HLCS: variants seen among roughly 807,000 people sequenced by gnomAD.
HLCS encodes the protein biotin--protein ligase.
A neutral mutation model predicts 75.0 loss-of-function variants in HLCS; 53 were observed. That is an observed-to-expected ratio of 0.71 (90% CI 0.57 to 0.89). The LOEUF (loss-of-function observed/expected upper bound fraction) is 0.89, where lower values mean the gene tolerates loss of function less well. Ranked by LOEUF, HLCS falls within the 40% of genes least tolerant of loss-of-function variation. The probability of loss-of-function intolerance (pLI) is 0.00; values close to 1 mark genes in which losing one functional copy is unlikely to be tolerated. For missense variants in HLCS, 966 were observed against 1,074.0 expected (o/e 0.90, Z 1.41); for synonymous variants, 431 against 428.6 (o/e 1.01, Z -0.07).
intron 6 of HLCS, among the ~76,000 whole-genome samples, chr21:36,827,551 G>A (rs1338006253): frequency 1.4e-5 from 2 of 144,358 alleles, no homozygotes; most frequent in Admixed American, 1.4e-4. Flanking sequence ...TCCAGCCTGG[G>A]CAAGAAGGTG....
At chr21:36,849,634 C>T (rs1476249722) in intron 6 of HLCS, among the ~76,000 whole-genome samples, 3 of 152,164 alleles carry the variant, frequency 2.0e-5, no homozygotes, top group Non-Finnish European at 2.9e-5. Flanking sequence ...AGCCAAGTAC[C>T]GGGCAGTATC....
chr21:36,881,032 G>A (rs1225457364), intron 6 of HLCS, among the ~76,000 whole-genome samples: 11 of 152,152 alleles, frequency 7.2e-5, no homozygotes, highest in African/African-American at 2.4e-4. Context: ...GTGCAGTGGC[G>A]TGATCTCGGC....
chr21:36,934,168 A>G (rs2146512565), intron 4 of HLCS, among the ~76,000 whole-genome samples: 1 of 152,320 alleles, frequency 6.6e-6, no homozygotes, highest in South Asian at 2.1e-4. Context: ...CCCTGTTACC[A>G]TAATGACAGG....
chr21:36,852,927 C>T (rs1482774960), intron 6 of HLCS, among the ~76,000 whole-genome samples: 2 of 152,244 alleles, frequency 1.3e-5, no homozygotes, highest in East Asian at 1.9e-4. Context: ...TTATAAATTG[C>T]CTCCAGTAAT....
intron 6 of HLCS, among the ~76,000 whole-genome samples, chr21:36,881,126 T>C (rs1432363641): frequency 2.6e-5 from 4 of 152,022 alleles, no homozygotes; most frequent in East Asian, 1.9e-4. Context: ...TGCACCACCA[T>C]GCCCGACTAA....
At position 36,754,029 on chromosome 21, in the gene HLCS, T is replaced by C. The variant is rs2089459058; in HGVS notation, c.*217A>G. The C allele has an allele frequency of 3.3e-6, 2 of 608,018 alleles. No homozygotes were observed. The highest frequency in any genetic ancestry group is 5.7e-6 in the Non-Finnish European group (2 of 348,778). 37.7% of individuals were successfully genotyped at this position (608,018 alleles called of 1,614,324 possible). On this transcript the variant is annotated 3_prime_UTR_variant, in exon 11 of 11. Coordinates refer to ENST00000674895, the MANE Select transcript of HLCS (RefSeq NM_001352514.2). ...TTCCCACCTGTGGGAGGGCTTTCCC[T>C]AAACTAAATTTTCTACTTCTTAACC...
intron 6 of HLCS, among the ~76,000 whole-genome samples, chr21:36,810,877 C>T (rs564001197): frequency 2.0e-4 from 30 of 152,206 alleles, no homozygotes; most frequent in Non-Finnish European, 2.6e-4. Context: ...CCAAGAGGCC[C>T]TGTCAAAAGG....
At chr21:36,785,240 T>A (rs2060652107) in intron 6 of HLCS, among the ~76,000 whole-genome samples, 2 of 151,992 alleles carry the variant, frequency 1.3e-5, no homozygotes, top group Non-Finnish European at 2.9e-5. Flanking sequence ...ACGCCAGAGC[T>A]CGTTTGCCGG....
At chr21:36,871,948 C>A (rs527241522) in intron 6 of HLCS, among the ~76,000 whole-genome samples, 1 of 152,176 alleles carries the variant, frequency 6.6e-6, no homozygotes, top group African/African-American at 2.4e-5. Flanking sequence ...TACAACTGCA[C>A]ACCCACCAGA....
At chr21:36,758,774 A>G (rs957944775) in intron 9 of HLCS, among the ~76,000 whole-genome samples, 2 of 152,062 alleles carry the variant, frequency 1.3e-5, no homozygotes, top group African/African-American at 2.4e-5. Flanking sequence ...TGAGTTCAGG[A>G]GTTTGATACC....
At chr21:36,764,841 C>G (rs1212713887) in intron 8 of HLCS, among the ~76,000 whole-genome samples, 171 bp downstream of exon 8, 2 of 152,250 alleles carry the variant, frequency 1.3e-5, no homozygotes, top group Non-Finnish European at 2.9e-5. Flanking sequence ...CCTGAAGCAG[C>G]ATTAGCACCT....
chr21:36,888,446 ATATATATATATATATATATATATATAT>A lies in HLCS; in HGVS notation c.1892+8387_1892+8413del, dbSNP rs1348601880. 2.1e-4 allele frequency among the ~76,000 whole-genome samples: 15 copies of A among 70,422 alleles called. 1 individual carries two copies. Among genetic ancestry groups the A allele is most frequent in the East Asian group, 3.8e-4 (1 of 2,642 alleles). 46.2% of individuals were successfully genotyped at this position (70,422 alleles called of 152,430 possible). A position where few individuals can be genotyped will look rare whatever the true frequency, so the allele number is the denominator to read the frequency against. On this transcript the variant is annotated intron_variant, in intron 6 of 10. Coordinates refer to ENST00000674895, the MANE Select transcript of HLCS (RefSeq NM_001352514.2). ...CCCTTCCCATTTAAAAAAAAAAAAA[ATATATATATATATATATATATATATAT>A]ATATATATATATATATATATATATT...
intron 6 of HLCS, among the ~76,000 whole-genome samples, chr21:36,886,798 T>C (rs2064487465): frequency 6.6e-6 from 1 of 151,978 alleles, no homozygotes; most frequent in African/African-American, 2.4e-5. Context: ...CGTTGAGAGC[T>C]CTCTCACCCT....
chr21:36,816,291 G>C (rs1321266026), intron 6 of HLCS, among the ~76,000 whole-genome samples: 2 of 152,022 alleles, frequency 1.3e-5, no homozygotes, highest in Non-Finnish European at 2.9e-5. Context: ...AGCTCCTCAG[G>C]AGGCTGGGGT....
At chr21:36,775,215 G>A (rs187196540) in intron 6 of HLCS, among the ~76,000 whole-genome samples, 4 of 152,312 alleles carry the variant, frequency 2.6e-5, no homozygotes, top group African/African-American at 7.2e-5. Flanking sequence ...TCTTCCCCAC[G>A]TCCAGCATAA....
chr21:36,815,330 CAAT>C (rs79202724), intron 6 of HLCS, among the ~76,000 whole-genome samples: 43,141 of 151,884 alleles, frequency 0.28, 6,309 homozygotes, highest in Middle Eastern at 0.34. Flanking sequence ...CACCTGGCCT[CAAT>C]GAAGCTTTTC....
At chr21:36,987,632 G>A (rs1313166485) in intron 1 of HLCS, among the ~76,000 whole-genome samples, 90 of 152,004 alleles carry the variant, frequency 5.9e-4, no homozygotes, top group Admixed American at 5.9e-3. Context: ...GAAAAGTTGT[G>A]TTATCCACCA....
chr21:36,853,668 T>G (rs542322694), intron 6 of HLCS, among the ~76,000 whole-genome samples: 1 of 152,312 alleles, frequency 6.6e-6, no homozygotes, highest in Admixed American at 6.5e-5. Flanking sequence ...CCTTCAGATA[T>G]TAATAAAGTG....
chr21:36,928,748 GAAGTGAACATTTCTGA>G (rs2066510795), intron 5 of HLCS, among the ~76,000 whole-genome samples: 1 of 152,168 alleles, frequency 6.6e-6, no homozygotes, highest in Non-Finnish European at 1.5e-5. Context: ...CCCGCAATGG[GAAGTGAACATTTCTGA>G]AAATAATTAT....
Sources: gnomAD v4.1 joint callset for allele counts (sites outside exome capture counted in the v4.1 genomes callset) on GRCh38, gnomAD v4.1.1 for gene constraint, MANE v1.5 for transcripts, NCBI Gene and HGNC (gene_info 2026-07-23, HGNC 2026-07-21) for gene names.